The following DTD2 variants were observed in gnomAD, a reference collection of about 807,000 sequenced individuals.
DTD2 encodes D-aminoacyl-tRNA deacylase 2, also known as D-tyrosyl-tRNA deacylase 2 (putative).
DTD2 carries 12 observed loss-of-function variants against 15.5 expected under a neutral mutation model. The ratio of observed to expected loss-of-function variants is 0.77; its 90% CI spans 0.50 to 1.25. The LOEUF is 1.25. Among genes scored for constraint, DTD2 ranks in the 50% most tolerant of loss-of-function variants. The pLI, the probability that DTD2 is intolerant of heterozygous loss-of-function variation, is 0.00. For missense variants in DTD2, 170 were observed against 201.1 expected (o/e 0.85, Z 0.93); for synonymous variants, 59 against 77.3 (o/e 0.76, Z 1.24).
At chr14:31,451,195 T>C (rs2032028672) in intron 2 of DTD2, among the ~76,000 whole-genome samples, 1 of 150,078 alleles carries the variant, frequency 6.7e-6, no homozygotes, top group Admixed American at 6.6e-5. Flanking sequence ...TCGCCCAGGC[T>C]GGAGTGCAGT....
chr14:31,454,987 G>C (rs768371948), intron 1 of DTD2, among the ~76,000 whole-genome samples: 11 of 152,202 alleles, frequency 7.2e-5, no homozygotes, highest in African/African-American at 2.7e-4. Flanking sequence ...TAGAGAATAT[G>C]TAAGAAGAAA....
intron 1 of DTD2, chr14:31,456,985 T>A: frequency 2.3e-6 from 1 of 440,506 alleles, no homozygotes; most frequent in Non-Finnish European, 4.1e-6. Flanking sequence ...GCAAGGGGTC[T>A]GAGACAGTAA....
chr14:31,455,715 G>A (rs113721766), intron 1 of DTD2, among the ~76,000 whole-genome samples: 2 of 151,504 alleles, frequency 1.3e-5, no homozygotes, highest in Admixed American at 1.3e-4. Context: ...CCGAGTAGCT[G>A]GGATTACAGG....
Position 31,447,878 on chromosome 14 carries a change from AATAGACAGC to A in DTD2, c.*242_*250del, listed in dbSNP as rs61001235. On this transcript the variant is annotated 3_prime_UTR_variant, in exon 3 of 3. Coordinates refer to ENST00000310850, the MANE Select transcript of DTD2 (RefSeq NM_080664.3). ...ACATTTCCTTAATGACTATGAAGTGAATAGACAGCATATTTCAAATTTTCAAGTAGAAGG... is the reference window on the plus strand; with the variant it reads ...ACATTTCCTTAATGACTATGAAGTGAATATTTCAAATTTTCAAGTAGAAGG... 1,836 of 441,084 alleles carry A rather than the reference AATAGACAGC, an allele frequency of 4.2e-3. 26 individuals carry two copies. Among genetic ancestry groups the A allele is most frequent in the African/African-American group, 0.033 (1,652 of 49,414 alleles). The allele number at this position is 441,084 out of a possible 1,614,324, so 27.3% of individuals were successfully genotyped here.
chr14:31,455,663 C>T (rs2032087426), intron 1 of DTD2, among the ~76,000 whole-genome samples: 1 of 151,108 alleles, frequency 6.6e-6, no homozygotes. Flanking sequence ...CTCACTACAA[C>T]CTCTGCCTCC....
intron 2 of DTD2, chr14:31,453,026 C>T (rs891804507): frequency 3.6e-5 from 12 of 332,254 alleles, no homozygotes; most frequent in African/African-American, 1.9e-4. Context: ...CAGCCTCGAC[C>T]TCCTGGCCTC....
chr14:31,457,178 C>G (rs1388409492), intron 1 of DTD2, 105 bp downstream of exon 1: 2 of 1,117,802 alleles, frequency 1.8e-6, no homozygotes, highest in African/African-American at 3.2e-5. Context: ...CGCGGCCGGA[C>G]CGCCGGTCTC....
intron 2 of DTD2, among the ~76,000 whole-genome samples, chr14:31,451,306 C>T (rs2032030993): frequency 6.6e-6 from 1 of 152,006 alleles, no homozygotes; most frequent in South Asian, 2.1e-4. Context: ...CACCACCACA[C>T]CCGGCTAATT....
At chr14:31,451,147 CT>C (rs1057016355) in intron 2 of DTD2, among the ~76,000 whole-genome samples, 230 of 129,922 alleles carry the variant, frequency 1.8e-3, no homozygotes, top group African/African-American at 2.4e-3. Flanking sequence ...ACATTATGTT[CT>C]TTTTTTTTTT....
intron 2 of DTD2, chr14:31,452,572 A>G (rs2032049224): frequency 6.6e-6 from 1 of 152,226 alleles, no homozygotes; most frequent in African/African-American, 2.4e-5. Context: ...TAACAGCACA[A>G]TTTAACATTG....
chr14:31,457,042 A>C, intron 1 of DTD2: 1 of 554,642 alleles, frequency 1.8e-6, no homozygotes, highest in Non-Finnish European at 3.2e-6. Context: ...TGGTCCCCCC[A>C]AGAAGGGAGA....
intron 2 of DTD2, chr14:31,452,152 C>G (rs2032042505): frequency 6.6e-6 from 1 of 152,146 alleles, no homozygotes; most frequent in Admixed American, 6.5e-5. Context: ...CCAGGAGAAC[C>G]TTACATCTAT....
rs2139358404 is a variant in DTD2 at position 31,447,462 on chromosome 14, T to C, written c.*667A>G. 6.6e-6 allele frequency: 1 copy of C among 150,416 alleles called. No individual in the cohort carries two copies. Among genetic ancestry groups the C allele is most frequent in the East Asian group, 1.9e-4 (1 of 5,188 alleles). The allele number at this position is 150,416 out of a possible 1,614,324, so 9.3% of individuals were successfully genotyped here. A position where few individuals can be genotyped will look rare whatever the true frequency, so the allele number is the denominator to read the frequency against. On this transcript the variant is annotated 3_prime_UTR_variant, in exon 3 of 3. Transcript: ENST00000310850. ...TACACAAATTTGATGGTATAAGAAA[T>C]GTGTTTTTCTTGTTTGCATGAATTT...
At position 31,448,472 on chromosome 14, in the gene DTD2, G is replaced by A; in HGVS notation, c.182-18C>T. ...TGTATTAACTGGGTGAGGAAGAAAG[G>A]CAAAACATTTTAAAGTGAAAAACAA... On this transcript the variant is annotated intron_variant, in intron 2 of 2. Transcript: ENST00000310850. 2 of 1,558,118 alleles carry A rather than the reference G, an allele frequency of 1.3e-6. No individual in the cohort carries two copies. The highest frequency in any genetic ancestry group is 1.7e-6 in the Non-Finnish European group (2 of 1,152,194).
At chr14:31,456,522 A>G (rs1014064086) in intron 1 of DTD2, among the ~76,000 whole-genome samples, 7 of 152,218 alleles carry the variant, frequency 4.6e-5, no homozygotes, top group African/African-American at 1.7e-4. Context: ...ATTTTGCTAC[A>G]CTGAAGTTTC....
intron 1 of DTD2, among the ~76,000 whole-genome samples, chr14:31,455,867 C>A (rs1426432876): frequency 6.6e-6 from 1 of 151,818 alleles, no homozygotes; most frequent in Non-Finnish European, 1.5e-5. Context: ...CCGCGCCTGG[C>A]AGGTTAATTC....
At chr14:31,455,743 G>A (rs1403965780) in intron 1 of DTD2, among the ~76,000 whole-genome samples, 3 of 151,206 alleles carry the variant, frequency 2.0e-5, no homozygotes, top group Admixed American at 6.6e-5. Flanking sequence ...CACCAAGCCC[G>A]GCTAATTTTT....
At chr14:31,456,222 G>A (rs910893554) in intron 1 of DTD2, among the ~76,000 whole-genome samples, 8 of 151,932 alleles carry the variant, frequency 5.3e-5, no homozygotes, top group Non-Finnish European at 7.4e-5. Context: ...GCGAAACCCC[G>A]TCTCTGCTAA....
intron 2 of DTD2, chr14:31,452,538 G>C (rs1319027881): frequency 6.6e-6 from 1 of 152,170 alleles, no homozygotes; most frequent in Non-Finnish European, 1.5e-5. Context: ...AATAACACTA[G>C]ATAGAATTAA....
Sources: allele counts gnomAD v4.1 joint callset (sites outside exome capture counted in the v4.1 genomes callset), GRCh38; gene constraint gnomAD v4.1.1; transcripts MANE v1.5; gene names NCBI Gene and HGNC (gene_info 2026-07-23, HGNC 2026-07-21).